The following EVL variants were observed in gnomAD, a reference collection of about 807,000 sequenced individuals.
EVL encodes the protein Enah/Vasp-like, also known as ena/VASP-like protein.
A neutral mutation model predicts 59.6 loss-of-function variants in EVL; 21 were observed. The ratio of observed to expected loss-of-function variants is 0.35; its 90% CI spans 0.25 to 0.51. The LOEUF is 0.51. Among genes scored for constraint, EVL ranks in the 20% least tolerant of loss-of-function variants. The pLI, the probability that EVL is intolerant of heterozygous loss-of-function variation, is 0.97. For missense variants in EVL, 462 were observed against 546.6 expected (o/e 0.85, Z 1.54); for synonymous variants, 198 against 203.5 (o/e 0.97, Z 0.23).
chr14:100,137,934 TTC>T lies in EVL; in HGVS notation c.1094+134_1094+135del, dbSNP rs1217824480. The T allele has an allele frequency of 5.6e-6, 5 of 900,246 alleles. No individual in the cohort carries two copies. In the East Asian group the frequency reaches 9.9e-5, roughly 18 times the overall value. The allele number at this position is 900,246 out of a possible 1,614,324, so 55.8% of individuals were successfully genotyped here. ...CAACTTGCTCTGCGAAGGTGGTCTG[TTC>T]TTTCAGACCCAGGACCTCGGGGTCC... On this transcript the variant is annotated intron_variant, in intron 11 of 13. Coordinates refer to ENST00000392920, the MANE Select transcript of EVL (RefSeq NM_016337.3).
rs2060743099 is a variant in EVL at position 99,972,748 on chromosome 14, G to C, written c.5+691G>C. Among the ~76,000 whole-genome samples, 1 of 151,732 alleles carries C rather than the reference G, an allele frequency of 6.6e-6. No individual in the cohort carries two copies. Among genetic ancestry groups the C allele is most frequent in the South Asian group, 2.1e-4 (1 of 4,814 alleles). ...AGAAGCCCGGTGCCCTCTCCCAGTC[G>C]CTAAACCCTCCCTTCCTCTCCAGAT... On this transcript the variant is annotated intron_variant, in intron 1 of 13. Transcript: ENST00000402714. The surrounding 1 kb of genome is among the most constrained non-coding windows in gnomAD (Gnocchi z 4.4).
Position 100,048,675 on chromosome 14 carries a change from G to C in EVL, c.6-36012G>C, listed in dbSNP as rs541801369. ...TGACCATTGCCAAAAACTGTGAACA[G>C]CCCAAATGTCCTTTGATTAAATGGA... On this transcript the variant is annotated intron_variant, in intron 1 of 13. Coordinates refer to the EVL transcript ENST00000402714. Among the ~76,000 whole-genome samples the C allele has an allele frequency of 3.9e-5, 6 of 152,250 alleles. No homozygotes were observed. The East Asian group carries it at 1.2e-3, about 29-fold the overall frequency.
At chr14:99,982,591 A>G (rs1302734779) in intron 1 of EVL, among the ~76,000 whole-genome samples, 3 of 152,228 alleles carry the variant, frequency 2.0e-5, no homozygotes, top group South Asian at 4.1e-4. Context: ...AGCGGGGGGA[A>G]AAAATACTGT....
intron 1 of EVL, among the ~76,000 whole-genome samples, chr14:99,979,797 A>G (rs2060794975): frequency 6.6e-6 from 1 of 152,178 alleles, no homozygotes; most frequent in Non-Finnish European, 1.5e-5. Context: ...CGAACCCGGG[A>G]GGCAGAGCTT....
intron 1 of EVL, among the ~76,000 whole-genome samples, chr14:100,030,401 C>T (rs572068623): frequency 1.5e-4 from 23 of 152,214 alleles, no homozygotes; most frequent in African/African-American, 5.1e-4. Context: ...CGCGCCCGGC[C>T]GAGATTACCT....
intron 1 of EVL, among the ~76,000 whole-genome samples, chr14:99,990,000 T>C (rs2060865208): frequency 6.6e-6 from 1 of 152,208 alleles, no homozygotes; most frequent in Admixed American, 6.5e-5. Context: ...AACTTCTGCA[T>C]AATCCAAAAC....
In EVL at chr14:100,141,921, T is replaced by C; in HGVS notation, c.1219+128T>C. 4 of 673,676 alleles carry C rather than the reference T, an allele frequency of 5.9e-6. No homozygotes were observed. In the Admixed American group the frequency reaches 9.6e-5, roughly 16 times the overall value. 41.7% of individuals were successfully genotyped at this position (673,676 alleles called of 1,614,324 possible). On this transcript the variant is annotated intron_variant, in intron 13 of 13. Coordinates refer to ENST00000392920, the MANE Select transcript of EVL (RefSeq NM_016337.3). Reference sequence around the variant, plus strand: ...ACTGCACTGGGCCCTGTGAGAGATTTCATTCTTACCATCTCTAGTTGAGGA... The same window carrying C: ...ACTGCACTGGGCCCTGTGAGAGATTCCATTCTTACCATCTCTAGTTGAGGA...
intron 1 of EVL, among the ~76,000 whole-genome samples, chr14:100,047,114 C>CACTTTTTTT (rs2061562244): frequency 2.1e-5 from 2 of 95,110 alleles, no homozygotes; most frequent in South Asian, 9.3e-4. Context: ...GCAGATCTCT[C>CACTTTTTTT]TCTCTTTTTT....
At position 100,045,600 on chromosome 14, in the gene EVL, C is replaced by T. The variant is rs76549069; in HGVS notation, c.6-39087C>T. On this transcript the variant is annotated intron_variant, in intron 1 of 13. Coordinates refer to the EVL transcript ENST00000402714. ...AGTTGAAAGGACGGGATTAATCTTC[C>T]ATTTTGTCAATGAACACACATTCAG... Among the ~76,000 whole-genome samples the T allele has an allele frequency of 3.2e-4, 48 of 152,358 alleles. No individual in the cohort carries two copies. In the East Asian group the frequency reaches 6.4e-3, roughly 20 times the overall value.
intron 8 of EVL, chr14:100,135,522 G>C (rs1476543524): frequency 9.4e-6 from 2 of 212,504 alleles, no homozygotes; most frequent in East Asian, 2.4e-4. Flanking sequence ...TACACGGGCA[G>C]GTGTGTGTGC....
At chr14:100,084,038 T>TTCTC (rs199920852) in intron 1 of EVL, among the ~76,000 whole-genome samples, 1 of 147,674 alleles carries the variant, frequency 6.8e-6, no homozygotes, top group Non-Finnish European at 1.5e-5. Flanking sequence ...TAATAATGCA[T>TTCTC]TCTCTCTCTC....
chr14:100,071,091 C>G lies in EVL; in HGVS notation c.11+5580C>G, dbSNP rs8018318. Reference sequence around the variant, plus strand: ...CACAGAGTAATGGAGACCAGCTGTCCAGGCATCTGAGAGGGTGACATCCAA... The same window carrying G: ...CACAGAGTAATGGAGACCAGCTGTCGAGGCATCTGAGAGGGTGACATCCAA... On this transcript the variant is annotated intron_variant, in intron 1 of 13. Coordinates refer to ENST00000392920, the MANE Select transcript of EVL (RefSeq NM_016337.3). Among the ~76,000 whole-genome samples the G allele has an allele frequency of 5.4e-3, 824 of 152,166 alleles. 7 individuals carry two copies. Among genetic ancestry groups the G allele is most frequent in the African/African-American group, 0.019 (776 of 41,504 alleles).
At chr14:100,078,219 T>TG (rs2062209120) in intron 1 of EVL, among the ~76,000 whole-genome samples, 1 of 152,188 alleles carries the variant, frequency 6.6e-6, no homozygotes, top group Non-Finnish European at 1.5e-5. Context: ...GCACGCACAC[T>TG]TTTGCAGATA....
At chr14:100,099,423 T>A (rs1399260453) in intron 3 of EVL, among the ~76,000 whole-genome samples, 1 of 152,148 alleles carries the variant, frequency 6.6e-6, no homozygotes. Flanking sequence ...TTTGTGGTTT[T>A]TTTAAGTAAA....
At chr14:100,077,306 A>G (rs888151474) in intron 1 of EVL, among the ~76,000 whole-genome samples, 1 of 152,264 alleles carries the variant, frequency 6.6e-6, no homozygotes, top group African/African-American at 2.4e-5. Flanking sequence ...CCATTGGGCC[A>G]TGGAGGGTGA....
chr14:100,097,458 T>C, intron 2 of EVL, 23 bp from the exon 3 acceptor site: 1 of 1,586,100 alleles, frequency 6.3e-7, no homozygotes. Flanking sequence ...TTTACACGTA[T>C]TTCTCTCTCC....
chr14:100,056,037 C>G (rs2061726951), intron 1 of EVL, among the ~76,000 whole-genome samples: 1 of 152,082 alleles, frequency 6.6e-6, no homozygotes, highest in African/African-American at 2.4e-5. Flanking sequence ...GTCTCGAACT[C>G]CTGACCTCAC....
chr14:100,016,931 A>G (rs1259169378), intron 1 of EVL, among the ~76,000 whole-genome samples: 1 of 152,228 alleles, frequency 6.6e-6, no homozygotes, highest in Non-Finnish European at 1.5e-5. Context: ...CAAAAGGGTC[A>G]GTGTCCTACC....
intron 1 of EVL, among the ~76,000 whole-genome samples, chr14:100,047,961 A>G (rs1341596039): frequency 6.6e-6 from 1 of 152,264 alleles, no homozygotes. Context: ...CATGTTATAC[A>G]AAAGTTACTT....
Sources: gnomAD v4.1 joint callset for allele counts (sites outside exome capture counted in the v4.1 genomes callset) on GRCh38, gnomAD v4.1.1 for gene constraint, Gnocchi (gnomAD v3.1) non-coding constraint, MANE v1.5 for transcripts, NCBI Gene and HGNC (gene_info 2026-07-23, HGNC 2026-07-21) for gene names.